GSTO1: variants seen among roughly 807,000 people sequenced by gnomAD.
The protein encoded by GSTO1 is glutathione S-transferase omega 1.
Under a neutral mutation model 23.8 loss-of-function variants are expected in GSTO1, and 27 were observed. The ratio of observed to expected loss-of-function variants is 1.13; its 90% CI spans 0.83 to 1.56. GSTO1 has a LOEUF of 1.56. Ranked by LOEUF, GSTO1 falls within the 40% of genes most tolerant of loss-of-function variation. The probability of loss-of-function intolerance (pLI) is 0.00; values close to 1 mark genes in which losing one functional copy is unlikely to be tolerated. For missense variants in GSTO1, 255 were observed against 285.8 expected, an observed-to-expected ratio of 0.89 and a Z score of 0.78; for synonymous variants, 105 against 109.3, an observed-to-expected ratio of 0.96 and a Z score of 0.25.
upstream of GSTO1, chr10:104,254,223 C>G (rs2091590508): frequency 6.6e-6 from 1 of 152,488 alleles, no homozygotes; most frequent in Non-Finnish European, 1.5e-5. Context: ...GTCTTTGTCC[C>G]ATACTTGGGA....
At chr10:104,266,223 G>A in intron 5 of GSTO1, 33 bp downstream of exon 5, 2 of 1,152,174 alleles carry the variant, frequency 1.7e-6, no homozygotes, top group Admixed American at 1.7e-5. Context: ...GCATAATTTA[G>A]GATGACAGGT....
chr10:104,259,161 T>C (rs1401093186), intron 2 of GSTO1, among the ~76,000 whole-genome samples: 2 of 152,152 alleles, frequency 1.3e-5, no homozygotes, highest in Admixed American at 6.5e-5. Context: ...ATATCCAAAT[T>C]AAATGAAATC....
chr10:104,255,349 C>A (rs1425550113), intron 2 of GSTO1, 78 bp downstream of exon 2: 2 of 827,394 alleles, frequency 2.4e-6, no homozygotes, highest in Middle Eastern at 2.3e-4. Context: ...GGGGTCTCAG[C>A]CCCCTTCTAC....
intron 5 of GSTO1, 25 bp downstream of exon 5, chr10:104,266,215 A>G (rs763664245): frequency 2.0e-4 from 252 of 1,237,378 alleles, no homozygotes; most frequent in Non-Finnish European, 2.8e-4. Flanking sequence ...TATTTTGTGC[A>G]TAATTTAGGA....
At chr10:104,264,877 AC>A (rs1322379047) in intron 4 of GSTO1, among the ~76,000 whole-genome samples, 6 of 152,240 alleles carry the variant, frequency 3.9e-5, no homozygotes, top group African/African-American at 1.4e-4. Flanking sequence ...TTTATCGAAT[AC>A]CTGCATCCAA....
intron 3 of GSTO1, among the ~76,000 whole-genome samples, chr10:104,261,946 C>T (rs970468127): frequency 6.6e-6 from 1 of 152,190 alleles, no homozygotes; most frequent in East Asian, 1.9e-4. Flanking sequence ...GAACAGTCTC[C>T]TGGTGTCCTC....
Position 104,259,808 on chromosome 10 carries a change from T to A in GSTO1, c.366+10T>A. On this transcript the variant is annotated intron_variant, in intron 3 of 5. Coordinates refer to ENST00000369713, the MANE Select transcript of GSTO1 (RefSeq NM_004832.3). ...AGAGTTGTTTTCTAAGGTTTGTGCA[T>A]AAGAAATTTCAGCTCCTATTTGAAA... The A allele has an allele frequency of 6.3e-7, 1 of 1,576,860 alleles. No individual in the cohort carries two copies. The highest frequency in any genetic ancestry group is 1.1e-5 in the South Asian group (1 of 89,378).
chr10:104,254,800 C>G (rs934560893), upstream of GSTO1: 1 of 859,130 alleles, frequency 1.2e-6, no homozygotes, highest in African/African-American at 1.7e-5. Flanking sequence ...GTGGAGCTGG[C>G]GGCCGCCGGG....
At position 104,266,261 on chromosome 10, in the gene GSTO1, T is replaced by C. The variant is rs566674188; in HGVS notation, c.572+71T>C. 144 of 816,844 alleles carry C rather than the reference T, an allele frequency of 1.8e-4. 1 individual carries two copies. The South Asian group carries it at 1.9e-3, about 11-fold the overall frequency. 50.6% of individuals were successfully genotyped at this position (816,844 alleles called of 1,614,324 possible). Reference sequence around the variant, plus strand: ...AATAGTATATATTGACCTTTCTTTATAACAGAAGTTGAAATATTTAATACA... The same window carrying C: ...AATAGTATATATTGACCTTTCTTTACAACAGAAGTTGAAATATTTAATACA... On this transcript the variant is annotated intron_variant, in intron 5 of 5. Coordinates refer to ENST00000369713, the MANE Select transcript of GSTO1 (RefSeq NM_004832.3).
chr10:104,254,842 G>C (rs1171869499), upstream of GSTO1: 2 of 1,311,266 alleles, frequency 1.5e-6, no homozygotes, highest in African/African-American at 2.9e-5. Flanking sequence ...GAGGAAGCGG[G>C]GGAGGGAAGG....
chr10:104,254,972 G>A lies in GSTO1; in HGVS notation c.34+10G>A. ...AGGAGCTTGGGGAAGGGTGAGGCCTGCCCGCCGCGAAGAGGGGGTGATCTC... is the reference window on the plus strand; with the variant it reads ...AGGAGCTTGGGGAAGGGTGAGGCCTACCCGCCGCGAAGAGGGGGTGATCTC... On this transcript the variant is annotated intron_variant, in intron 1 of 5. Coordinates refer to ENST00000369713, the MANE Select transcript of GSTO1 (RefSeq NM_004832.3). The A allele has an allele frequency of 6.2e-7, 1 of 1,605,168 alleles. No individual in the cohort carries two copies. The highest frequency in any genetic ancestry group is 8.5e-7 in the Non-Finnish European group (1 of 1,176,170).
chr10:104,259,621 C>CT lies in GSTO1; in HGVS notation c.192dup (p.Lys65Ter), dbSNP rs1564836531. 6.2e-7 allele frequency: 1 copy of CT among 1,613,404 alleles called. No individual in the cohort carries two copies. The highest frequency in any genetic ancestry group is 1.1e-5 in the South Asian group (1 of 91,066). ...ACCTGAAAAATAAGCCTGAGTGGTT[C>CT]TTTAAGAAAAATCCCTTTGGTCTGG... On this transcript the variant is annotated frameshift_variant, in exon 3 of 6. Transcript: ENST00000369713. LOFTEE classifies it high-confidence loss of function.
intron 3 of GSTO1, among the ~76,000 whole-genome samples, chr10:104,260,318 T>G (rs187059818): frequency 6.6e-6 from 1 of 152,348 alleles, no homozygotes; most frequent in Admixed American, 6.5e-5. Context: ...TGACTGGCTC[T>G]GCTACTTTCT....
chr10:104,254,824 G>A, upstream of GSTO1: 1 of 1,164,370 alleles, frequency 8.6e-7, no homozygotes, highest in Non-Finnish European at 1.3e-6. Context: ...AGGCACTTTT[G>A]AGCTAAGGAG....
chr10:104,263,005 T>C lies in GSTO1; in HGVS notation c.393T>C (p.Ile131=), dbSNP rs768133416. The change falls in exon 4 of 6, where the codon ATT becomes ATC. Residue 131 remains isoleucine (I), a synonymous_variant. Transcript: ENST00000369713. ...TGCCATCCTTGGTAGGAAGCTTTAT[T>C]AGAAGCCAAAATAAAGAAGACTATG... ...SKVPSLVGSF[I]RSQNKEDYAG... 1.3e-6 allele frequency: 2 copies of C among 1,537,786 alleles called. No homozygotes were observed. The highest frequency in any genetic ancestry group is 4.5e-5 in the East Asian group (2 of 44,642).
upstream of GSTO1, chr10:104,254,767 A>G: frequency 1.4e-6 from 1 of 698,742 alleles, no homozygotes. Flanking sequence ...GGGCTATCCC[A>G]TAAAGCCGGG....
At chr10:104,257,883 A>G (rs925304526) in intron 2 of GSTO1, among the ~76,000 whole-genome samples, 4 of 152,212 alleles carry the variant, frequency 2.6e-5, no homozygotes, top group African/African-American at 9.7e-5. Context: ...ATATTTCAAA[A>G]CAAAAATATT....
intron 4 of GSTO1, among the ~76,000 whole-genome samples, chr10:104,263,911 A>C (rs1237207134): frequency 6.7e-6 from 1 of 148,746 alleles, no homozygotes; most frequent in Non-Finnish European, 1.5e-5. Context: ...GGTGCTATTG[A>C]CAAATTTTTT....
At chr10:104,260,294 A>G (rs2011128473) in intron 3 of GSTO1, among the ~76,000 whole-genome samples, 1 of 152,144 alleles carries the variant, frequency 6.6e-6, no homozygotes, top group African/African-American at 2.4e-5. Flanking sequence ...CTGTTAGTTC[A>G]CTGCCTAGTT....
Sources: allele counts gnomAD v4.1 joint callset (sites outside exome capture counted in the v4.1 genomes callset), GRCh38; gene constraint gnomAD v4.1.1; transcripts MANE v1.5; gene names NCBI Gene and HGNC (gene_info 2026-07-23, HGNC 2026-07-21).